Variants in EVI5 observed in about 807,000 individuals in gnomAD.
EVI5 encodes the protein ecotropic viral integration site 5.
EVI5 carries 73 observed loss-of-function variants against 112.0 expected under a neutral mutation model. The ratio of observed to expected loss-of-function variants is 0.65; its 90% CI spans 0.54 to 0.79. The LOEUF (loss-of-function observed/expected upper bound fraction) is 0.79. Among genes scored for constraint, EVI5 ranks in the 30% least tolerant of loss-of-function variants. The pLI, the probability that EVI5 is intolerant of heterozygous loss-of-function variation, is 0.00. For missense variants in EVI5, 900 were observed against 968.8 expected, an observed-to-expected ratio of 0.93 and a Z score of 0.94; for synonymous variants, 305 against 319.9, an observed-to-expected ratio of 0.95 and a Z score of 0.50.
At chr1:92,560,788 C>A (rs1454055283) in intron 19 of EVI5, among the ~76,000 whole-genome samples, 5 of 151,870 alleles carry the variant, frequency 3.3e-5, no homozygotes, top group Non-Finnish European at 7.4e-5. Flanking sequence ...TGGTCTCGAA[C>A]TCCTGGGCTA....
At position 92,513,586 on chromosome 1, in the gene EVI5, T is replaced by A; in HGVS notation, c.*70A>T. ...ATATATGTACATATGAAACAAATTA[T>A]TTCCAAAAAGCCCTAATCATATGAT... On this transcript the variant is annotated 3_prime_UTR_variant, in exon 20 of 20. Coordinates refer to ENST00000684568, the MANE Select transcript of EVI5 (RefSeq NM_001350197.2). 1.5e-6 allele frequency: 1 copy of A among 646,196 alleles called. No individual in the cohort carries two copies. Among genetic ancestry groups the A allele is most frequent in the Non-Finnish European group, 2.4e-6 (1 of 414,594 alleles). The allele number at this position is 646,196 out of a possible 1,614,324, so 40.0% of individuals were successfully genotyped here.
chr1:92,655,170 T>C (rs1003591419), intron 13 of EVI5, among the ~76,000 whole-genome samples: 1 of 151,446 alleles, frequency 6.6e-6, no homozygotes, highest in Admixed American at 6.6e-5. Flanking sequence ...CCAACACATA[T>C]ACTCATCAGA....
intron 18 of EVI5, among the ~76,000 whole-genome samples, chr1:92,570,861 C>A (rs1483041884): frequency 3.3e-5 from 5 of 151,944 alleles, no homozygotes; most frequent in South Asian, 4.2e-4. Flanking sequence ...GGAAAGATAG[C>A]ATTTGATGAA....
Position 92,784,956 on chromosome 1 carries a change from C to T in EVI5, c.-202G>A. 2 of 985,818 alleles carry T rather than the reference C, an allele frequency of 2.0e-6. No homozygotes were observed. Among genetic ancestry groups the T allele is most frequent in the Non-Finnish European group, 2.4e-6 (2 of 830,242 alleles). The allele number at this position is 985,818 out of a possible 1,614,324, so 61.1% of individuals were successfully genotyped here. On this transcript the variant is annotated 5_prime_UTR_variant, in exon 1 of 20. Transcript: ENST00000684568. ...CTCCACGGGTCGCCCGTCCCGAGTT[C>T]CCAAAAGCACCACGCTCACTCAGAA...
intron 9 of EVI5, among the ~76,000 whole-genome samples, chr1:92,679,526 A>G (rs1420285642): frequency 6.6e-6 from 1 of 152,198 alleles, no homozygotes; most frequent in Non-Finnish European, 1.5e-5. Context: ...GTTTTTCAAT[A>G]AACTTAATTT....
intron 1 of EVI5, among the ~76,000 whole-genome samples, chr1:92,775,254 T>G (rs1340900564): frequency 1.3e-5 from 2 of 151,968 alleles, no homozygotes; most frequent in Non-Finnish European, 2.9e-5. Flanking sequence ...GTGGTGAAAC[T>G]CCATCTCTAA....
chr1:92,592,253 A>G (rs1571762305), intron 18 of EVI5, among the ~76,000 whole-genome samples: 2 of 152,106 alleles, frequency 1.3e-5, no homozygotes, highest in East Asian at 3.8e-4. Flanking sequence ...AGAAAAAAAG[A>G]AAAAAAAGAA....
intron 2 of EVI5, among the ~76,000 whole-genome samples, chr1:92,708,174 T>A (rs1672296442): frequency 6.6e-6 from 1 of 151,918 alleles, no homozygotes; most frequent in Non-Finnish European, 1.5e-5. Context: ...TAAAAACATT[T>A]TGTACTTTAT....
chr1:92,698,112 A>T (rs1166324306), intron 5 of EVI5, 127 bp from the exon 6 acceptor site: 1 of 782,686 alleles, frequency 1.3e-6, no homozygotes, highest in African/African-American at 1.7e-5. Context: ...TGCAATGTTA[A>T]GAGCAATGAG....
chr1:92,535,728 G>C (rs561030710), intron 19 of EVI5, among the ~76,000 whole-genome samples: 1 of 152,088 alleles, frequency 6.6e-6, no homozygotes, highest in Non-Finnish European at 1.5e-5. Flanking sequence ...ATGGACACAG[G>C]GAGAGGAACA....
At chr1:92,614,265 C>T (rs1033228520) in intron 16 of EVI5, among the ~76,000 whole-genome samples, 11 of 152,100 alleles carry the variant, frequency 7.2e-5, no homozygotes, top group Admixed American at 6.6e-4. Context: ...CAGTCCTACA[C>T]AAGATATCCA....
chr1:92,783,390 C>T (rs1410675988), intron 1 of EVI5, among the ~76,000 whole-genome samples: 1 of 146,066 alleles, frequency 6.8e-6, no homozygotes, highest in East Asian at 2.0e-4. Context: ...AAAAATTAGC[C>T]GGGCGTGGTG....
chr1:92,710,592 C>G (rs1384417360), intron 2 of EVI5, among the ~76,000 whole-genome samples: 1 of 152,108 alleles, frequency 6.6e-6, no homozygotes, highest in Non-Finnish European at 1.5e-5. Flanking sequence ...ATTCATTCTC[C>G]CAGAATGACA....
In EVI5 at chr1:92,704,699, T is replaced by C. The variant is rs1671708730; in HGVS notation, c.195A>G (p.Ser65=). The part of the protein sequence containing the change: ...DSKSLRSVNG[S]RRNSGSSLVS... Reference sequence around the variant, plus strand: ...CAAGAGAAGAGCCACTGTTTCTTCTTGACCCATTTACAGATCTTAAAGACT... The same window carrying C: ...CAAGAGAAGAGCCACTGTTTCTTCTCGACCCATTTACAGATCTTAAAGACT... The change falls in exon 3 of 20, where the codon TCA becomes TCG. Residue 65 remains serine (S), a synonymous_variant. Transcript: ENST00000684568. 1.3e-6 allele frequency: 2 copies of C among 1,597,426 alleles called. No homozygotes were observed. The highest frequency in any genetic ancestry group is 8.5e-7 in the Non-Finnish European group (1 of 1,170,192).
intron 1 of EVI5, among the ~76,000 whole-genome samples, chr1:92,769,274 C>G (rs1196291938): frequency 1.3e-5 from 2 of 152,130 alleles, no homozygotes; most frequent in African/African-American, 2.4e-5. Context: ...CAAAGACAGT[C>G]ACAGTTAACA....
chr1:92,584,469 C>A (rs1672464026), intron 18 of EVI5, among the ~76,000 whole-genome samples: 1 of 152,132 alleles, frequency 6.6e-6, no homozygotes, highest in Non-Finnish European at 1.5e-5. Flanking sequence ...ATCTGTAACA[C>A]TTGGTAAGTA....
chr1:92,539,549 A>T, intron 19 of EVI5, among the ~76,000 whole-genome samples: 1 of 41,364 alleles, frequency 2.4e-5, no homozygotes, highest in Admixed American at 2.8e-4. Context: ...TCTCAAAAAA[A>T]AAAAAAAAAA....
At position 92,662,794 on chromosome 1, in the gene EVI5, C is replaced by A; in HGVS notation, c.1317G>T (p.Gln439His). ...LIKRELATIK[Q>H]QSDEASAKLE... is the part of the protein sequence containing the mutation. The stretch of plus-strand genomic sequence containing the variant: ...GCTTAGCACTGGCCTCATCACTCTG[C>A]TGTTTGATGGTGGCCAACTCCCGTT... The change falls in exon 13 of 20, where the codon CAG (glutamine) becomes CAT (histidine). Residue 439 changes from glutamine to histidine, a missense_variant. By Grantham distance (24) the Gln-to-His change is conservative. Transcript: ENST00000684568. 7.8e-7 allele frequency: 1 copy of A among 1,289,352 alleles called. No individual in the cohort carries two copies. Among genetic ancestry groups the A allele is most frequent in the South Asian group, 1.2e-5 (1 of 80,988 alleles). The allele number at this position is 1,289,352 out of a possible 1,614,324, so 79.9% of individuals were successfully genotyped here.
At chr1:92,600,588 G>A (rs570473005) in intron 18 of EVI5, among the ~76,000 whole-genome samples, 4 of 152,172 alleles carry the variant, frequency 2.6e-5, no homozygotes, top group Non-Finnish European at 5.9e-5. Flanking sequence ...GAGAGGGTGG[G>A]AGAATGGTTT....
Sources: gnomAD v4.1 joint callset for allele counts (sites outside exome capture counted in the v4.1 genomes callset) on GRCh38, gnomAD v4.1.1 for gene constraint, MANE v1.5 for transcripts, NCBI Gene and HGNC (gene_info 2026-07-23, HGNC 2026-07-21) for gene names.